Variants in OGDHL observed in about 807,000 individuals in gnomAD.
OGDHL encodes 2-oxoglutarate dehydrogenase-like, mitochondrial.
OGDHL carries 79 observed loss-of-function variants against 109.6 expected under a neutral mutation model. That is an observed-to-expected ratio of 0.72 (90% CI 0.60 to 0.87). OGDHL has a LOEUF of 0.87. Among genes scored for constraint, OGDHL ranks in the 40% least tolerant of loss-of-function variants. The pLI, the probability that OGDHL is intolerant of heterozygous loss-of-function variation, is 0.00. For missense variants in OGDHL, 1,275 were observed against 1,362.2 expected (o/e 0.94, Z 1.01); for synonymous variants, 528 against 537.2 (o/e 0.98, Z 0.24).
chr10:49,759,403 G>A (rs1184855386), intron 1 of OGDHL, among the ~76,000 whole-genome samples: 1 of 151,980 alleles, frequency 6.6e-6, no homozygotes, highest in African/African-American at 2.4e-5. Context: ...AGACCACGGG[G>A]AACCAGGCCC....
chr10:49,752,051 C>CA (rs139563789), intron 5 of OGDHL, 70 bp from the exon 6 acceptor site: 2 of 1,610,038 alleles, frequency 1.2e-6, no homozygotes, highest in East Asian at 2.2e-5. Flanking sequence ...CTGTCTAGAA[C>CA]AAAAAAGACA....
At chr10:49,756,356 AC>A (rs1842914081) in intron 3 of OGDHL, among the ~76,000 whole-genome samples, 1 of 152,062 alleles carries the variant, frequency 6.6e-6, no homozygotes, top group Non-Finnish European at 1.5e-5. Flanking sequence ...TGTTTACTGA[AC>A]CATTCATTCC....
chr10:49,752,737 G>C lies in OGDHL; in HGVS notation c.379C>G (p.Arg127Gly). 6.2e-7 allele frequency: 1 copy of C among 1,612,772 alleles called. No individual in the cohort carries two copies. Among genetic ancestry groups the C allele is most frequent in the East Asian group, 2.2e-5 (1 of 44,880 alleles). The change falls in exon 4 of 23, where the codon CGG becomes GGG. Residue 127 changes from arginine to glycine, a missense_variant. Coordinates refer to ENST00000374103, the MANE Select transcript of OGDHL (RefSeq NM_018245.3). ...VQSLIRAYQIRGHHVAQLDPL... is the reference protein window; with the variant it reads ...VQSLIRAYQIGGHHVAQLDPL... ...TCCAGCTGGGCCACATGGTGACCCC[G>C]GATCTGGGAGGAGGGAAAAGAGCAG...
rs748308632 is a variant in OGDHL, at chr10:49,736,378, C to T, written c.2733G>A (p.Val911=). The T allele has an allele frequency of 6.2e-7, 1 of 1,614,162 alleles. No individual in the cohort carries two copies. The highest frequency in any genetic ancestry group is 8.5e-7 in the Non-Finnish European group (1 of 1,180,026). ...ERSSQDLEEK[V]AITRLEQISP... ...ACACCTGCTCCAGGCGCGTGATGGC[C>T]ACTTTCTCCTCCAGGTCCTGGCTGC... The change falls in exon 21 of 23, where the codon GTG becomes GTA. Residue 911 remains valine, a synonymous_variant. Transcript: ENST00000374103.
In OGDHL at chr10:49,751,965, T is replaced by G. The variant is rs758892075; in HGVS notation, c.611A>C (p.His204Pro). 1 of 1,614,174 alleles carries G rather than the reference T, an allele frequency of 6.2e-7. No homozygotes were observed. The highest frequency in any genetic ancestry group is 8.5e-7 in the Non-Finnish European group (1 of 1,180,040). ...IRRLENTYCQ[H>P]IGLEFMFIND... ...GATGAACATGAACTCCAGGCCAATGTGCTGGCAGTAGGTGTTCTGGGGAGA... is the reference window on the plus strand; with the variant it reads ...GATGAACATGAACTCCAGGCCAATGGGCTGGCAGTAGGTGTTCTGGGGAGA... The change falls in exon 6 of 23, where the codon CAC becomes CCC. Residue 204 changes from histidine to proline, a missense_variant. Physicochemically the swap from His to Pro is moderately conservative, Grantham distance 77. Transcript: ENST00000374103.
At chr10:49,755,431 T>C (rs1842860444) in intron 3 of OGDHL, among the ~76,000 whole-genome samples, 1 of 152,218 alleles carries the variant, frequency 6.6e-6, no homozygotes, top group African/African-American at 2.4e-5. Context: ...TGCCTCAAGA[T>C]AATCAGCAGT....
chr10:49,754,678 A>G (rs1842813419), intron 3 of OGDHL, among the ~76,000 whole-genome samples: 1 of 79,296 alleles, frequency 1.3e-5, no homozygotes, highest in Admixed American at 1.3e-4. Flanking sequence ...CTGATTTTGA[A>G]AAAAAAAAAA....
At chr10:49,756,470 A>T (rs1842921979) in intron 3 of OGDHL, 1 of 248,238 alleles carries the variant, frequency 4.0e-6, no homozygotes, top group South Asian at 1.6e-4. Flanking sequence ...CTCACCCCTC[A>T]TTCAACAGGC....
chr10:49,758,904 C>A (rs1037492173), intron 1 of OGDHL, among the ~76,000 whole-genome samples: 5 of 152,184 alleles, frequency 3.3e-5, no homozygotes, highest in African/African-American at 1.2e-4. Flanking sequence ...GACATGAACT[C>A]CCCAGGCCCT....
At chr10:49,737,735 G>A (rs754696779) in intron 20 of OGDHL, 51 bp downstream of exon 20, 10 of 1,598,334 alleles carry the variant, frequency 6.3e-6, no homozygotes, top group Non-Finnish European at 8.6e-6. Flanking sequence ...GCCACACAAT[G>A]GGCCACCGCC....
Position 49,747,087 on chromosome 10 carries a change from A to G in OGDHL, c.1109T>C (p.Val370Ala). ...NPSHLEAVDP[V>A]VQGKTKAEQF... ...CTCTGCCTTTGTCTTCCCCTGCACC[A>G]CAGGGTCCACTGCCTCCAGGTGGGA... Residue 370 changes from valine to alanine, a missense_variant, in exon 9 of 23, where the codon GTG (valine) becomes GCG (alanine). Transcript: ENST00000374103. 2 of 1,614,108 alleles carry G rather than the reference A, an allele frequency of 1.2e-6. No homozygotes were observed. The highest frequency in any genetic ancestry group is 1.7e-6 in the Non-Finnish European group (2 of 1,180,004).
chr10:49,739,882 A>G, intron 16 of OGDHL, 43 bp from the exon 17 acceptor site: 2 of 1,575,510 alleles, frequency 1.3e-6, no homozygotes, highest in Non-Finnish European at 1.7e-6. Context: ...ACAGTCACCA[A>G]GTGGCAGTGG....
intron 7 of OGDHL, 37 bp from the exon 8 acceptor site, chr10:49,749,853 C>G (rs1181631894): frequency 6.5e-7 from 1 of 1,540,202 alleles, no homozygotes; most frequent in Non-Finnish European, 8.8e-7. Flanking sequence ...CCTGGCAAAG[C>G]CCGCAGGCCT....
rs771121748 is a variant in OGDHL, at chr10:49,750,992, G to A, written c.750-7C>T. ...GGCCAGGAAGTCTTCAAACCTGCTT[G>A]GGGAGAGGATGGGAAGAGGAAAGGG... On this transcript the variant is annotated splice_region_variant and splice_polypyrimidine_tract_variant and intron_variant, in intron 6 of 22. Transcript: ENST00000374103. 6 of 1,593,316 alleles carry A rather than the reference G, an allele frequency of 3.8e-6. No homozygotes were observed. The highest frequency in any genetic ancestry group is 1.1e-5 in the South Asian group (1 of 88,950).
chr10:49,741,386 C>A lies in OGDHL; in HGVS notation c.2013-549G>T, dbSNP rs372595213. ...AGGTAGCTCTGGGTGCATCAGAGGG[C>A]CACCTGGGCCCTGGCTGGAGCAAGA... On this transcript the variant is annotated intron_variant, in intron 15 of 22. Coordinates refer to ENST00000374103, the MANE Select transcript of OGDHL (RefSeq NM_018245.3). Among the ~76,000 whole-genome samples the A allele has an allele frequency of 2.0e-4, 31 of 152,178 alleles. No homozygotes were observed. The East Asian group carries it at 5.4e-3, about 27-fold the overall frequency.
At position 49,739,696 on chromosome 10, in the gene OGDHL, T is replaced by A; in HGVS notation, c.2284A>T (p.Ile762Phe). Residue 762 changes from isoleucine to phenylalanine, a missense_variant, in exon 17 of 23, where the codon ATT becomes TTT. Ile to Phe is a conservative substitution (Grantham distance 21, BLOSUM62 0). Coordinates refer to ENST00000374103, the MANE Select transcript of OGDHL (RefSeq NM_018245.3). ...ATGCCATGGGGCAGCAGCAGCACAA[T>A]GCCATTATGCCGCACCCACTTGGCC... ...GQAKWVRHNG[I>F]VLLLPHGMEG... is the part of the protein sequence containing the mutation. 6.2e-7 allele frequency: 1 copy of A among 1,614,046 alleles called. No individual in the cohort carries two copies. The highest frequency in any genetic ancestry group is 8.5e-7 in the Non-Finnish European group (1 of 1,179,960).
At chr10:49,761,980 G>C (rs1303813520) in intron 1 of OGDHL, among the ~76,000 whole-genome samples, 2 of 152,190 alleles carry the variant, frequency 1.3e-5, no homozygotes, top group Non-Finnish European at 2.9e-5. Flanking sequence ...GCGAGCACCC[G>C]CTCCTCTGCG....
intron 15 of OGDHL, among the ~76,000 whole-genome samples, 183 bp from the exon 16 acceptor site, chr10:49,741,020 GCAGCCTGTCCCCCACCAGGCCTCCC>G (rs1841615852): frequency 6.6e-6 from 1 of 152,096 alleles, no homozygotes; most frequent in Admixed American, 6.5e-5. Context: ...GGTCCCTCCT[GCAGCCTGTCCCCCACCAGGCCTCCC>G]CAGCCTGCCC....
intron 13 of OGDHL, 135 bp from the exon 14 acceptor site, chr10:49,744,257 C>T (rs866708709): frequency 8.8e-7 from 1 of 1,142,824 alleles, no homozygotes; most frequent in Non-Finnish European, 1.2e-6. Flanking sequence ...CTGAGCCCAC[C>T]CTTGGGACCT....
Sources: gnomAD v4.1 joint callset for allele counts (sites outside exome capture counted in the v4.1 genomes callset) on GRCh38, gnomAD v4.1.1 for gene constraint, MANE v1.5 for transcripts, NCBI Gene and HGNC (gene_info 2026-07-23, HGNC 2026-07-21) for gene names.